Variants in CCSER1 observed in about 807,000 individuals in gnomAD.
CCSER1 encodes serine-rich coiled-coil domain-containing protein 1.
In CCSER1, 41 loss-of-function variants were observed where a neutral mutation model predicts 82.0. The ratio of observed to expected loss-of-function variants is 0.50; its 90% CI spans 0.39 to 0.65. The LOEUF is 0.65. CCSER1 is among the 30% of genes least tolerant of loss of function. The probability of loss-of-function intolerance (pLI) is 0.00; values close to 1 mark genes in which losing one functional copy is unlikely to be tolerated. For synonymous variants in CCSER1, 414 were observed against 383.9 expected, an observed-to-expected ratio of 1.08 and a Z score of -0.92; for missense variants, 1,119 against 1,064.2, an observed-to-expected ratio of 1.05 and a Z score of -0.72.
At chr4:90,607,456 T>C (rs745492098) in intron 5 of CCSER1, among the ~76,000 whole-genome samples, 3 of 152,292 alleles carry the variant, frequency 2.0e-5, no homozygotes, top group East Asian at 3.9e-4. Flanking sequence ...TATCAAGATA[T>C]TGACAGAGCT....
At chr4:91,312,472 C>T (rs555385856) in intron 10 of CCSER1, among the ~76,000 whole-genome samples, 7 of 151,738 alleles carry the variant, frequency 4.6e-5, no homozygotes, top group South Asian at 4.2e-4. Context: ...TACTGGTGAA[C>T]GAAAGTTAGC....
At chr4:91,221,326 T>C (rs1387268263) in intron 10 of CCSER1, among the ~76,000 whole-genome samples, 1 of 152,158 alleles carries the variant, frequency 6.6e-6, no homozygotes, top group African/African-American at 2.4e-5. Flanking sequence ...ATGATTTCTT[T>C]AAATAAGTTA....
At chr4:91,076,743 G>A (rs921496006) in intron 9 of CCSER1, among the ~76,000 whole-genome samples, 11 of 152,152 alleles carry the variant, frequency 7.2e-5, no homozygotes, top group African/African-American at 2.7e-4. Flanking sequence ...ACATAGAAAG[G>A]CTATGATCTT....
chr4:91,090,196 A>G (rs1472213848), intron 10 of CCSER1, among the ~76,000 whole-genome samples: 1 of 152,212 alleles, frequency 6.6e-6, no homozygotes. Context: ...CGCGGGAAGC[A>G]TAGACAGGGA....
At chr4:91,364,388 A>G (rs1429174629) in intron 10 of CCSER1, among the ~76,000 whole-genome samples, 1 of 152,050 alleles carries the variant, frequency 6.6e-6, no homozygotes, top group Non-Finnish European at 1.5e-5. Context: ...GTGTGGTACT[A>G]TTTAATTACA....
At chr4:91,297,365 TTGTGTGTGTGTG>T (rs764634343) in intron 10 of CCSER1, among the ~76,000 whole-genome samples, 4 of 128,814 alleles carry the variant, frequency 3.1e-5, no homozygotes, top group Non-Finnish European at 6.7e-5. Context: ...GAATGGATGC[TTGTGTGTGTGTG>T]TGTGTGTATG....
chr4:91,216,804 A>G lies in CCSER1; in HGVS notation c.2217+130810A>G, dbSNP rs534535301. Among the ~76,000 whole-genome samples, 19 of 152,156 alleles carry G rather than the reference A, an allele frequency of 1.2e-4. 1 individual carries two copies. Among genetic ancestry groups the G allele is most frequent in the Non-Finnish European group, 1.5e-5 (1 of 68,032 alleles). On this transcript the variant is annotated intron_variant, in intron 10 of 10. Transcript: ENST00000509176. The stretch of plus-strand genomic sequence containing the variant: ...ATTTACCCACTTGTCCATTTTACCA[A>G]TGAGTGAAAGGGGCAAATAAAACTG...
At chr4:91,410,412 G>C (rs1003381024) in intron 10 of CCSER1, among the ~76,000 whole-genome samples, 5 of 152,056 alleles carry the variant, frequency 3.3e-5, no homozygotes, top group Non-Finnish European at 5.9e-5. Context: ...GATCTACTAT[G>C]AAAATTTTTA....
At chr4:91,218,729 C>T (rs562538519) in intron 10 of CCSER1, among the ~76,000 whole-genome samples, 3 of 152,080 alleles carry the variant, frequency 2.0e-5, no homozygotes, top group Non-Finnish European at 2.9e-5. Flanking sequence ...TACTTTGCAT[C>T]GATCCTTCAC....
chr4:91,297,761 C>A (rs1744326340), intron 10 of CCSER1, among the ~76,000 whole-genome samples: 1 of 151,796 alleles, frequency 6.6e-6, no homozygotes, highest in African/African-American at 2.4e-5. Flanking sequence ...AGCAGACAGC[C>A]AACCAACAAA....
At chr4:91,286,717 G>C (rs1743306629) in intron 10 of CCSER1, among the ~76,000 whole-genome samples, 1 of 151,656 alleles carries the variant, frequency 6.6e-6, no homozygotes, top group Non-Finnish European at 1.5e-5. Context: ...TACTTTAAGA[G>C]TTCCAAATTA....
At chr4:90,413,695 C>T (rs1755251539) in intron 4 of CCSER1, among the ~76,000 whole-genome samples, 1 of 151,642 alleles carries the variant, frequency 6.6e-6, no homozygotes, top group African/African-American at 2.4e-5. Context: ...CTCCCTCACG[C>T]CTGTAATCCC....
At chr4:91,259,541 A>G (rs889497099) in intron 10 of CCSER1, among the ~76,000 whole-genome samples, 11 of 152,040 alleles carry the variant, frequency 7.2e-5, no homozygotes, top group African/African-American at 2.4e-4. Context: ...TGCTGCACCC[A>G]TCAACCTGCC....
chr4:90,825,988 CACA>C (rs1205242421), intron 8 of CCSER1, among the ~76,000 whole-genome samples: 15 of 152,044 alleles, frequency 9.9e-5, no homozygotes, highest in Non-Finnish European at 1.8e-4. Flanking sequence ...CCGCACTCAG[CACA>C]ACAATTGTTT....
intron 1 of CCSER1, among the ~76,000 whole-genome samples, chr4:90,221,124 A>C (rs1301955278): frequency 6.6e-6 from 1 of 152,122 alleles, no homozygotes; most frequent in East Asian, 1.9e-4. Context: ...TTTTCACTTA[A>C]ATACTTCTAA....
chr4:90,185,876 A>G (rs936834391), intron 1 of CCSER1, among the ~76,000 whole-genome samples: 1 of 152,068 alleles, frequency 6.6e-6, no homozygotes, highest in East Asian at 1.9e-4. Flanking sequence ...GGATTACTAC[A>G]TCCCTCATTA....
chr4:91,468,353 TG>T (rs1183739183), intron 10 of CCSER1, among the ~76,000 whole-genome samples: 1 of 152,078 alleles, frequency 6.6e-6, no homozygotes, highest in Non-Finnish European at 1.5e-5. Context: ...GGGCCTGTCA[TG>T]GTGTGCAGGG....
chr4:91,277,989 C>G (rs973276075), intron 10 of CCSER1, among the ~76,000 whole-genome samples: 2 of 151,938 alleles, frequency 1.3e-5, no homozygotes, highest in Non-Finnish European at 2.9e-5. Flanking sequence ...TGTACAGCTT[C>G]TAAAGTTCCT....
chr4:90,766,009 G>A (rs1201870933), intron 7 of CCSER1, among the ~76,000 whole-genome samples: 2 of 151,984 alleles, frequency 1.3e-5, no homozygotes, highest in East Asian at 1.9e-4. Context: ...CACCAAAGAG[G>A]TTAGCAGGAA....
Sources: allele counts gnomAD v4.1 joint callset (sites outside exome capture counted in the v4.1 genomes callset), GRCh38; gene constraint gnomAD v4.1.1; transcripts MANE v1.5; gene names NCBI Gene and HGNC (gene_info 2026-07-23, HGNC 2026-07-21).